DNM3: variants seen among roughly 807,000 people sequenced by gnomAD.
DNM3 encodes dynamin 3.
Under a neutral mutation model 101.6 loss-of-function variants are expected in DNM3, and 47 were observed. That is an observed-to-expected ratio of 0.46 (90% CI 0.37 to 0.59). DNM3 has a LOEUF of 0.59. DNM3 is among the 20% of genes least tolerant of loss of function. The pLI is 0.00. For synonymous variants in DNM3, 385 were observed against 387.9 expected (o/e 0.99, Z 0.09); for missense variants, 849 against 1,085.7 (o/e 0.78, Z 3.06).
chr1:172,190,618 G>T (rs186882797), intron 14 of DNM3, among the ~76,000 whole-genome samples: 4 of 152,228 alleles, frequency 2.6e-5, no homozygotes, highest in Admixed American at 6.5e-5. Context: ...TTAAACTAGT[G>T]TACAGTCCCA....
intron 20 of DNM3, among the ~76,000 whole-genome samples, chr1:172,392,181 G>T (rs2149088891): frequency 6.6e-6 from 1 of 152,276 alleles, no homozygotes; most frequent in Non-Finnish European, 1.5e-5. Context: ...CTTTCAGTTA[G>T]GGAGCTGGAA....
chr1:172,271,600 GC>G (rs2063089074), intron 15 of DNM3, among the ~76,000 whole-genome samples: 1 of 151,978 alleles, frequency 6.6e-6, no homozygotes, highest in African/African-American at 2.4e-5. Context: ...TATTTTAATA[GC>G]CTTTTAAAAT....
chr1:172,259,471 C>T (rs1398642613), intron 15 of DNM3, among the ~76,000 whole-genome samples: 1 of 151,854 alleles, frequency 6.6e-6, no homozygotes, highest in African/African-American at 2.4e-5. Flanking sequence ...ATCATTATAT[C>T]CTCTTGATGA....
intron 5 of DNM3, 28 bp downstream of exon 5, chr1:172,032,528 T>TAA: frequency 9.1e-6 from 1 of 109,908 alleles, no homozygotes; most frequent in Non-Finnish European, 1.3e-5. Context: ...ATACAAGACT[T>TAA]TTTTTTTTTT....
chr1:172,323,192 G>C (rs771780420), intron 16 of DNM3, 137 bp from the exon 17 acceptor site: 3 of 879,242 alleles, frequency 3.4e-6, no homozygotes, highest in Non-Finnish European at 5.1e-6. Flanking sequence ...CATTTGTTTT[G>C]ATTTCACTCT....
At chr1:172,327,990 T>G (rs923728947) in intron 17 of DNM3, among the ~76,000 whole-genome samples, 6 of 152,176 alleles carry the variant, frequency 3.9e-5, no homozygotes, top group Admixed American at 3.3e-4. Context: ...AGGAACAGTT[T>G]AATTGAGGGT....
intron 2 of DNM3, among the ~76,000 whole-genome samples, chr1:171,943,469 T>A (rs1242792856): frequency 1.3e-5 from 2 of 152,222 alleles, no homozygotes; most frequent in Non-Finnish European, 2.9e-5. Flanking sequence ...TAAAACCTGC[T>A]ACCTGGAGGC....
intron 17 of DNM3, among the ~76,000 whole-genome samples, chr1:172,342,429 TA>T (rs1209923046): frequency 2.0e-5 from 3 of 152,098 alleles, no homozygotes; most frequent in Non-Finnish European, 4.4e-5. Context: ...CTGCGGCCAT[TA>T]AAAAGAACAA....
At chr1:172,262,746 G>A (rs943770536) in intron 15 of DNM3, among the ~76,000 whole-genome samples, 4 of 152,124 alleles carry the variant, frequency 2.6e-5, no homozygotes, top group African/African-American at 9.7e-5. Flanking sequence ...CCATCTTGAA[G>A]CCCCCTCTTT....
chr1:171,933,695 G>T (rs1464012978), intron 2 of DNM3, among the ~76,000 whole-genome samples: 1 of 152,062 alleles, frequency 6.6e-6, no homozygotes, highest in African/African-American at 2.4e-5. Flanking sequence ...ATTGGGGAGG[G>T]TCTTGTGAGC....
At chr1:172,082,122 A>C (rs141269413) in intron 12 of DNM3, among the ~76,000 whole-genome samples, 1,602 of 152,340 alleles carry the variant, frequency 0.011, 16 homozygotes, top group Non-Finnish European at 0.018. Flanking sequence ...CAGCATATGA[A>C]GTCATGTATG....
At chr1:172,235,674 G>A (rs1351323253) in intron 14 of DNM3, among the ~76,000 whole-genome samples, 2 of 152,114 alleles carry the variant, frequency 1.3e-5, no homozygotes. Context: ...CATAAAAAAT[G>A]ATGAGTTCAT....
At chr1:172,113,920 T>G (rs1465539474) in intron 13 of DNM3, among the ~76,000 whole-genome samples, 4 of 152,138 alleles carry the variant, frequency 2.6e-5, no homozygotes, top group Non-Finnish European at 5.9e-5. Context: ...GAAAAGGGAT[T>G]TTGACATTAT....
Position 172,409,791 on chromosome 1 carries a change from C to A in DNM3, c.*1950C>A. On this transcript the variant is annotated 3_prime_UTR_variant, in exon 21 of 21. Coordinates refer to ENST00000627582, the MANE Select transcript of DNM3 (RefSeq NM_015569.5). ...CTTCCTTTGAATTCTCTAAAATAGG[C>A]AGCTAACGGATTATATACTTCAGGG... 1.0e-6 allele frequency: 1 copy of A among 985,666 alleles called. No homozygotes were observed. Among genetic ancestry groups the A allele is most frequent in the Non-Finnish European group, 1.2e-6 (1 of 829,824 alleles). 61.1% of individuals were successfully genotyped at this position (985,666 alleles called of 1,614,324 possible). A position where few individuals can be genotyped will look rare whatever the true frequency, so the allele number is the denominator to read the frequency against.
At chr1:172,198,841 A>AT (rs1181216728) in intron 14 of DNM3, among the ~76,000 whole-genome samples, 7 of 151,170 alleles carry the variant, frequency 4.6e-5, no homozygotes, top group Non-Finnish European at 1.5e-5. Context: ...TGTCTTATTA[A>AT]TTTTTTCAAA....
At chr1:172,213,554 G>T (rs1188305830) in intron 14 of DNM3, among the ~76,000 whole-genome samples, 1 of 149,952 alleles carries the variant, frequency 6.7e-6, no homozygotes, top group Non-Finnish European at 1.5e-5. Context: ...TTGGTGGCCG[G>T]GCATAGTGGC....
At chr1:171,917,288 A>AT (rs1051006160) in intron 1 of DNM3, among the ~76,000 whole-genome samples, 27 of 151,982 alleles carry the variant, frequency 1.8e-4, no homozygotes, top group African/African-American at 6.3e-4. Flanking sequence ...GCCGGGGGGA[A>AT]TTTTTTTTAG....
chr1:172,185,266 A>T (rs973488860), intron 14 of DNM3, among the ~76,000 whole-genome samples: 1 of 152,122 alleles, frequency 6.6e-6, no homozygotes, highest in Admixed American at 6.6e-5. Flanking sequence ...AGAAATATGC[A>T]TTTAGACTGT....
chr1:172,315,914 G>T (rs1426167320), intron 16 of DNM3, among the ~76,000 whole-genome samples: 2 of 152,080 alleles, frequency 1.3e-5, no homozygotes, highest in African/African-American at 4.8e-5. Flanking sequence ...CTCGAGAAGA[G>T]CAACTCCGAG....
Sources: allele counts gnomAD v4.1 joint callset (sites outside exome capture counted in the v4.1 genomes callset), GRCh38; gene constraint gnomAD v4.1.1; transcripts MANE v1.5; gene names NCBI Gene and HGNC (gene_info 2026-07-23, HGNC 2026-07-21).